The following SMARCA4 variants were observed in gnomAD, a reference collection of about 807,000 sequenced individuals.
SMARCA4 encodes the protein SWI/SNF-related matrix-associated actin-dependent regulator of chromatin subfamily A member 4.
SMARCA4 carries 31 observed loss-of-function variants against 193.9 expected under a neutral mutation model. The observed-to-expected ratio is 0.16, with a 90% CI of 0.12 to 0.22. SMARCA4 has a LOEUF of 0.22. SMARCA4 is among the 10% of genes least tolerant of loss of function. The pLI is 1.00. For missense variants in SMARCA4, 1,148 were observed against 2,296.0 expected (o/e 0.50, Z 10.22); for synonymous variants, 942 against 933.1 (o/e 1.01, Z -0.17).
intron 1 of SMARCA4, among the ~76,000 whole-genome samples, chr19:10,972,429 TC>T (rs947299188): frequency 5.9e-5 from 9 of 151,774 alleles, no homozygotes; most frequent in Non-Finnish European, 1.2e-4. Context: ...ATATAACACT[TC>T]CACTTTCTAT....
intron 1 of SMARCA4, among the ~76,000 whole-genome samples, chr19:10,969,462 C>G (rs1205844803): frequency 6.6e-6 from 1 of 151,010 alleles, no homozygotes; most frequent in Non-Finnish European, 1.5e-5. Flanking sequence ...CAGAGTTTGT[C>G]TCTTGTTGCC....
intron 16 of SMARCA4, among the ~76,000 whole-genome samples, chr19:11,017,990 G>T (rs1424585471): frequency 6.6e-6 from 1 of 152,224 alleles, no homozygotes; most frequent in Admixed American, 6.5e-5. Flanking sequence ...TGCTCCCCAC[G>T]CTTCTTCAGG....
chr19:11,022,724 C>T (rs866132624), intron 19 of SMARCA4, among the ~76,000 whole-genome samples: 1 of 152,204 alleles, frequency 6.6e-6, no homozygotes, highest in Non-Finnish European at 1.5e-5. Flanking sequence ...TGGCCTCATG[C>T]GTGAGTTCCC....
rs113131294 is a variant in SMARCA4 at position 11,059,900 on chromosome 19, G to A, written c.4768+15G>A. The A allele has an allele frequency of 6.3e-5, 101 of 1,613,618 alleles. No individual in the cohort carries two copies. Among genetic ancestry groups the A allele is most frequent in the Non-Finnish European group, 8.3e-5 (98 of 1,180,004 alleles). Reference sequence around the variant, plus strand: ...CGAATCCGAATGTGAGTCCCGGGGGGGTTCAGGACGCCGGGGTTCACGCTG... The same window carrying A: ...CGAATCCGAATGTGAGTCCCGGGGGAGTTCAGGACGCCGGGGTTCACGCTG... On this transcript the variant is annotated intron_variant, in intron 33 of 34. Transcript: ENST00000344626.
rs1023696464 is a variant in SMARCA4, at chr19:10,995,156, T to C, written c.1593+155T>C. ...GAGCAGGCGCGGGCTTGGGAGTCAGTCCTGGGCTCGGATATTTGCTGATCT... is the reference window on the plus strand; with the variant it reads ...GAGCAGGCGCGGGCTTGGGAGTCAGCCCTGGGCTCGGATATTTGCTGATCT... On this transcript the variant is annotated intron_variant, in intron 9 of 34. Transcript: ENST00000344626. 1.4e-5 allele frequency: 10 copies of C among 733,038 alleles called. No homozygotes were observed. The African/African-American group carries it at 1.6e-4, about 11-fold the overall frequency. The allele number at this position is 733,038 out of a possible 1,614,324, so 45.4% of individuals were successfully genotyped here.
In SMARCA4 at chr19:11,031,207, GTCACTGTGGGGCGGCCCCTGCAGTGTGCC is replaced by G. The variant is rs2074908237; in HGVS notation, c.3546+315_3546+343del. 1 of 402,800 alleles carries G rather than the reference GTCACTGTGGGGCGGCCCCTGCAGTGTGCC, an allele frequency of 2.5e-6. No homozygotes were observed. The highest frequency in any genetic ancestry group is 2.1e-5 in the South Asian group (1 of 46,606). 25.0% of individuals were successfully genotyped at this position (402,800 alleles called of 1,614,324 possible). A position where few individuals can be genotyped will look rare whatever the true frequency, so the allele number is the denominator to read the frequency against. On this transcript the variant is annotated intron_variant, in intron 25 of 34. Transcript: ENST00000344626. The surrounding 1 kb of genome is among the most constrained non-coding windows in gnomAD (Gnocchi z 4.3). Reference sequence around the variant, plus strand: ...GAAAGTATCCTGATCAATCTGCGCCGTCACTGTGGGGCGGCCCCTGCAGTGTGCCCTGTGAGCACACACACTGGCGCTTG... The same window carrying G: ...GAAAGTATCCTGATCAATCTGCGCCGCTGTGAGCACACACACTGGCGCTTG...
At position 11,033,669 on chromosome 19, in the gene SMARCA4, T is replaced by C. The variant is rs1360768219; in HGVS notation, c.3775-98T>C. On this transcript the variant is annotated intron_variant, in intron 26 of 34. Transcript: ENST00000344626. The surrounding 1 kb of genome is among the most constrained non-coding windows in gnomAD (Gnocchi z 9.8). ...GTGGGCTGAACGGAAAGAGGATGAG[T>C]ACTTGCTTTTTCTTTGAAGTGGTTT... The C allele has an allele frequency of 1.3e-5, 10 of 775,686 alleles. No individual in the cohort carries two copies. Among genetic ancestry groups the C allele is most frequent in the Non-Finnish European group, 2.4e-6 (1 of 423,644 alleles). 48.1% of individuals were successfully genotyped at this position (775,686 alleles called of 1,614,324 possible). A position where few individuals can be genotyped will look rare whatever the true frequency, so the allele number is the denominator to read the frequency against.
At chr19:11,047,374 G>C (rs2075998452) in intron 30 of SMARCA4, among the ~76,000 whole-genome samples, 2 of 151,530 alleles carry the variant, frequency 1.3e-5, no homozygotes, top group African/African-American at 2.4e-5. Flanking sequence ...CGTTGACACA[G>C]AGCACTGCCA....
At position 10,993,839 on chromosome 19, in the gene SMARCA4, G is replaced by A. The variant is rs2086770872; in HGVS notation, c.1420-989G>A. On this transcript the variant is annotated intron_variant, in intron 8 of 34. Coordinates refer to ENST00000344626, the MANE Select transcript of SMARCA4 (RefSeq NM_003072.5). ...TTTTTGTATTTTTAGTAGAGACGGG[G>A]TTTCACCATGTTAGCCAGGATGGTA... Among the ~76,000 whole-genome samples, 3 of 151,842 alleles carry A rather than the reference G, an allele frequency of 2.0e-5. No homozygotes were observed. In the South Asian group the frequency reaches 6.2e-4, roughly 32 times the overall value.
At position 11,034,648 on chromosome 19, in the gene SMARCA4, GC is replaced by G. The variant is rs2075151987; in HGVS notation, c.3952-260del. Among the ~76,000 whole-genome samples, 1 of 152,166 alleles carries G rather than the reference GC, an allele frequency of 6.6e-6. No individual in the cohort carries two copies. Among genetic ancestry groups the G allele is most frequent in the East Asian group, 1.9e-4 (1 of 5,170 alleles). ...ACCAACGCTGGGCCACGCAGCTGCT[GC>G]CCCCCTGCTGGGGTCTGCAGCCCTC... On this transcript the variant is annotated intron_variant, in intron 28 of 34. Transcript: ENST00000344626. The surrounding 1 kb of genome is among the most constrained non-coding windows in gnomAD (Gnocchi z 7.0).
chr19:10,963,101 A>C (rs780534549), intron 1 of SMARCA4, among the ~76,000 whole-genome samples: 17 of 151,920 alleles, frequency 1.1e-4, no homozygotes, highest in Non-Finnish European at 2.5e-4. Flanking sequence ...GGCCAGGTGC[A>C]GTGGCTCATA....
intron 30 of SMARCA4, among the ~76,000 whole-genome samples, chr19:11,045,164 C>CA (rs1360321544): frequency 6.6e-6 from 1 of 152,038 alleles, no homozygotes; most frequent in East Asian, 1.9e-4. Flanking sequence ...ACTAAAAATA[C>CA]AAAAAATTAG....
At position 10,985,899 on chromosome 19, in the gene SMARCA4, G is replaced by A. The variant is rs1427914269; in HGVS notation, c.356-290G>A. 6.6e-6 allele frequency among the ~76,000 whole-genome samples: 1 copy of A among 152,158 alleles called. No individual in the cohort carries two copies. The highest frequency in any genetic ancestry group is 1.5e-5 in the Non-Finnish European group (1 of 68,010). On this transcript the variant is annotated intron_variant, in intron 3 of 34. Transcript: ENST00000344626. The surrounding 1 kb of genome is among the most constrained non-coding windows in gnomAD (Gnocchi z 4.5). ...TGGCGAGCCCGAGGATGTGGACCCCGCCTGTGGACAGGCAGGCGGAAGCCG... is the reference window on the plus strand; with the variant it reads ...TGGCGAGCCCGAGGATGTGGACCCCACCTGTGGACAGGCAGGCGGAAGCCG...
At chr19:10,968,972 T>A (rs1261456631) in intron 1 of SMARCA4, among the ~76,000 whole-genome samples, 1 of 152,192 alleles carries the variant, frequency 6.6e-6, no homozygotes, top group Non-Finnish European at 1.5e-5. Flanking sequence ...TTACTTGCCC[T>A]TCCTCTTGAC....
chr19:11,002,490 TAAATAAAAATAAA>T (rs2087733798), intron 11 of SMARCA4, among the ~76,000 whole-genome samples: 1 of 144,422 alleles, frequency 6.9e-6, no homozygotes, highest in African/African-American at 2.6e-5. Context: ...AAAAAATAAA[TAAATAAAAATAAA>T]AAATAAAAAT....
intron 8 of SMARCA4, among the ~76,000 whole-genome samples, chr19:10,993,245 C>G (rs2086715112): frequency 6.6e-6 from 1 of 152,206 alleles, no homozygotes; most frequent in African/African-American, 2.4e-5. Context: ...CTTGGCCTTC[C>G]AAAGTGCTGG....
chr19:11,061,735 C>A (rs2076911807), intron 34 of SMARCA4, 49 bp from the exon 35 acceptor site: 1 of 1,590,856 alleles, frequency 6.3e-7, no homozygotes, highest in Non-Finnish European at 8.6e-7. Flanking sequence ...GGCAAGGTGC[C>A]CTGGCAGGGG....
intron 11 of SMARCA4, among the ~76,000 whole-genome samples, chr19:11,001,257 C>T (rs1265388718): frequency 6.6e-6 from 1 of 151,852 alleles, no homozygotes; most frequent in African/African-American, 2.4e-5. Context: ...TTGCTTTAGT[C>T]CAGGAGTTCA....
chr19:11,025,605 G>T (rs949288772), intron 22 of SMARCA4, 97 bp downstream of exon 22: 1 of 868,710 alleles, frequency 1.2e-6, no homozygotes, highest in East Asian at 2.4e-5. Flanking sequence ...AAACAGACTC[G>T]AATATTTTCA....
Sources: allele counts gnomAD v4.1 joint callset (sites outside exome capture counted in the v4.1 genomes callset), GRCh38; gene constraint gnomAD v4.1.1; non-coding constraint Gnocchi (gnomAD v3.1); transcripts MANE v1.5; gene names NCBI Gene and HGNC (gene_info 2026-07-23, HGNC 2026-07-21).